CCNJ: variants seen among roughly 807,000 people sequenced by gnomAD.
The protein encoded by CCNJ is cyclin J.
A neutral mutation model predicts 41.4 loss-of-function variants in CCNJ; 12 were observed. The ratio of observed to expected loss-of-function variants is 0.29; its 90% confidence interval spans 0.19 to 0.47. The LOEUF (loss-of-function observed/expected upper bound fraction) is 0.47. Among genes scored for constraint, CCNJ ranks in the 20% least tolerant of loss-of-function variants. The probability of loss-of-function intolerance (pLI) is 1.00; values close to 1 mark genes in which losing one functional copy is unlikely to be tolerated. For synonymous variants in CCNJ, 161 were observed against 173.4 expected (o/e 0.93, Z 0.56); for missense variants, 340 against 464.6 (o/e 0.73, Z 2.47).
intron 3 of CCNJ, 143 bp from the exon 4 acceptor site, chr10:96,056,558 G>A (rs971185752): frequency 3.2e-6 from 2 of 632,848 alleles, no homozygotes; most frequent in Non-Finnish European, 5.5e-6. Context: ...ACAGGGTTCT[G>A]GCACAATTGT....
rs1410415887 is a variant in CCNJ, at chr10:96,058,157, T to A, written c.1068T>A (p.Val356=). 8.7e-6 allele frequency: 14 copies of A among 1,614,018 alleles called. No homozygotes were observed. Among genetic ancestry groups the A allele is most frequent in the African/African-American group, 1.3e-5 (1 of 74,922 alleles). Residue 356 remains valine, a synonymous_variant, in exon 6 of 6, where the codon GTT becomes GTA. Coordinates refer to ENST00000465148, the MANE Select transcript of CCNJ (RefSeq NM_001134375.2). ...TGTCACTGGCAATACCAGTAGAAGTTAAGCCCTGTCTGAGTGTTTCTTACA... is the reference window on the plus strand; with the variant it reads ...TGTCACTGGCAATACCAGTAGAAGTAAAGCCCTGTCTGAGTGTTTCTTACA... The part of the protein sequence containing the change: ...VGMSLAIPVE[V]KPCLSVSYNR...
At chr10:96,046,377 C>G (rs756211810) in intron 2 of CCNJ, among the ~76,000 whole-genome samples, 1 of 152,188 alleles carries the variant, frequency 6.6e-6, no homozygotes, top group Non-Finnish European at 1.5e-5. Context: ...ACTGGAGAGA[C>G]CACTGTTTGT....
intron 2 of CCNJ, among the ~76,000 whole-genome samples, chr10:96,049,754 A>G (rs1646190238): frequency 6.6e-6 from 1 of 152,170 alleles, no homozygotes; most frequent in South Asian, 2.1e-4. Context: ...GGCAGATCAT[A>G]AAACTGTTAA....
At position 96,058,564 on chromosome 10, in the gene CCNJ, C is replaced by T. The variant is rs2142074439; in HGVS notation, c.*323C>T. 1 of 452,698 alleles carries T rather than the reference C, an allele frequency of 2.2e-6. No homozygotes were observed. Among genetic ancestry groups the T allele is most frequent in the East Asian group, 3.2e-5 (1 of 31,430 alleles). The allele number at this position is 452,698 out of a possible 1,614,324, so 28.0% of individuals were successfully genotyped here. A position where few individuals can be genotyped will look rare whatever the true frequency, so the allele number is the denominator to read the frequency against. On this transcript the variant is annotated 3_prime_UTR_variant, in exon 6 of 6. Coordinates refer to ENST00000465148, the MANE Select transcript of CCNJ (RefSeq NM_001134375.2). Reference sequence around the variant, plus strand: ...TTCAATTTGCCATTTTGAGATTTGACCTGTGGTAGCATCTGGGCCTAATGT... The same window carrying T: ...TTCAATTTGCCATTTTGAGATTTGATCTGTGGTAGCATCTGGGCCTAATGT...
chr10:96,055,059 C>A lies in CCNJ; in HGVS notation c.281-1642C>A, dbSNP rs4145226. On this transcript the variant is annotated intron_variant, in intron 3 of 5. Coordinates refer to ENST00000465148, the MANE Select transcript of CCNJ (RefSeq NM_001134375.2). ...CCCTCTTCTTTTTTCAGGCAATAAG[C>A]TGGATAACTATGTCATACAGACCAC... Among the ~76,000 whole-genome samples the A allele has an allele frequency of 0.036, 5,502 of 152,216 alleles. 775 individuals are homozygous for A. The East Asian group carries it at 0.49, about 14-fold the overall frequency.
chr10:96,057,065 G>A, intron 4 of CCNJ, 23 bp from the exon 5 acceptor site: 2 of 1,613,906 alleles, frequency 1.2e-6, no homozygotes, highest in Non-Finnish European at 1.7e-6. Flanking sequence ...TGTTCCTTAA[G>A]TTCATTTTTG....
In CCNJ at chr10:96,058,666, G is replaced by A. The variant is rs2080756778; in HGVS notation, c.*425G>A. 1 of 398,878 alleles carries A rather than the reference G, an allele frequency of 2.5e-6. No homozygotes were observed. 24.7% of individuals were successfully genotyped at this position (398,878 alleles called of 1,614,324 possible). A position where few individuals can be genotyped will look rare whatever the true frequency, so the allele number is the denominator to read the frequency against. On this transcript the variant is annotated 3_prime_UTR_variant, in exon 6 of 6. Coordinates refer to ENST00000465148, the MANE Select transcript of CCNJ (RefSeq NM_001134375.2). ...CAGTCTTTTATGAAGGAAAGTTACA[G>A]TATTAATTTTTGAAAAGGTTTTTTT...
In CCNJ at chr10:96,059,450, T is replaced by C. The variant is rs1293838150; in HGVS notation, c.*1209T>C. 6.6e-6 allele frequency: 1 copy of C among 152,590 alleles called. No individual in the cohort carries two copies. Among genetic ancestry groups the C allele is most frequent in the East Asian group, 1.9e-4 (1 of 5,204 alleles). 9.5% of individuals were successfully genotyped at this position (152,590 alleles called of 1,614,324 possible). On this transcript the variant is annotated 3_prime_UTR_variant, in exon 6 of 6. Coordinates refer to ENST00000465148, the MANE Select transcript of CCNJ (RefSeq NM_001134375.2). ...ACAACTGCCCTGGGACATTTCACTG[T>C]ACCAGTATTAACTGCAAACAGCAAT...
Position 96,059,255 on chromosome 10 carries a change from A to T in CCNJ, c.*1014A>T, listed in dbSNP as rs1263451054. The T allele has an allele frequency of 6.6e-6, 1 of 152,660 alleles. No homozygotes were observed. The highest frequency in any genetic ancestry group is 2.4e-5 in the African/African-American group (1 of 41,466). 9.5% of individuals were successfully genotyped at this position (152,660 alleles called of 1,614,324 possible). On this transcript the variant is annotated 3_prime_UTR_variant, in exon 6 of 6. Transcript: ENST00000465148. ...TGCTAGAATAAAGTCCTGTAGGTTT[A>T]TTTTGGAAGGGACTGTGGCCAGGGT... is the stretch of plus-strand genomic sequence containing the variant.
At position 96,057,173 on chromosome 10, in the gene CCNJ, G is replaced by A. The variant is rs764941418; in HGVS notation, c.666G>A (p.Thr222=). Residue 222 remains threonine, a synonymous_variant, in exon 5 of 6, where the codon ACG becomes ACA. Coordinates refer to ENST00000465148, the MANE Select transcript of CCNJ (RefSeq NM_001134375.2). ...SSRIILRLSP[T]WPTRLHRLTA... ...GGATTATACTTCGTCTTTCTCCAACGTGGCCTACAAGACTACATCGTCTTA... is the reference window on the plus strand; with the variant it reads ...GGATTATACTTCGTCTTTCTCCAACATGGCCTACAAGACTACATCGTCTTA... The A allele has an allele frequency of 1.1e-5, 17 of 1,613,696 alleles. No individual in the cohort carries two copies. Among genetic ancestry groups the A allele is most frequent in the South Asian group, 7.7e-5 (7 of 91,076 alleles).
Position 96,044,335 on chromosome 10 carries a change from C to T in CCNJ, c.-41-18C>T, listed in dbSNP as rs2080300539. On this transcript the variant is annotated intron_variant, in intron 1 of 5. Coordinates refer to ENST00000465148, the MANE Select transcript of CCNJ (RefSeq NM_001134375.2). ...GCGGGGGAGCCGGCAGTGACCGCGC[C>T]TGGGGTGTGTCTTACAGACTCGAGT... 7.2e-6 allele frequency: 10 copies of T among 1,382,914 alleles called. No homozygotes were observed. Among genetic ancestry groups the T allele is most frequent in the Non-Finnish European group, 9.6e-6 (10 of 1,038,964 alleles). The allele number at this position is 1,382,914 out of a possible 1,614,324, so 85.7% of individuals were successfully genotyped here.
rs1400706107 is a variant in CCNJ at position 96,059,252 on chromosome 10, T to C, written c.*1011T>C. ...CAGTGCTAGAATAAAGTCCTGTAGG[T>C]TTATTTTGGAAGGGACTGTGGCCAG... On this transcript the variant is annotated 3_prime_UTR_variant, in exon 6 of 6. Coordinates refer to ENST00000465148, the MANE Select transcript of CCNJ (RefSeq NM_001134375.2). The C allele has an allele frequency of 6.6e-6, 1 of 152,532 alleles. No individual in the cohort carries two copies. The highest frequency in any genetic ancestry group is 1.5e-5 in the Non-Finnish European group (1 of 68,024). The allele number at this position is 152,532 out of a possible 1,614,324, so 9.4% of individuals were successfully genotyped here. A position where few individuals can be genotyped will look rare whatever the true frequency, so the allele number is the denominator to read the frequency against.
At chr10:96,044,483 G>T in intron 2 of CCNJ, 21 bp downstream of exon 2, 1 of 1,496,786 alleles carries the variant, frequency 6.7e-7, no homozygotes, top group East Asian at 2.5e-5. Context: ...GGCCCGGCCT[G>T]CCTTCTCCTT....
At chr10:96,048,560 A>G (rs1289027860) in intron 2 of CCNJ, among the ~76,000 whole-genome samples, 1 of 152,108 alleles carries the variant, frequency 6.6e-6, no homozygotes. Context: ...CATCTTCCCA[A>G]ACTGAAACTC....
At chr10:96,053,153 T>C (rs1421616159) in intron 3 of CCNJ, among the ~76,000 whole-genome samples, 2 of 125,286 alleles carry the variant, frequency 1.6e-5, no homozygotes, top group East Asian at 2.5e-4. Context: ...CAAATGCTTA[T>C]GTCTACACTA....
intron 2 of CCNJ, among the ~76,000 whole-genome samples, chr10:96,045,383 TTC>T (rs2080335168): frequency 6.6e-6 from 1 of 152,244 alleles, no homozygotes; most frequent in African/African-American, 2.4e-5. Flanking sequence ...ATAAAAAGGA[TTC>T]TGACTCTTGG....
upstream of CCNJ, chr10:96,043,448 T>A (rs1214964008): frequency 1.0e-5 from 4 of 381,250 alleles, no homozygotes; most frequent in South Asian, 1.4e-4. Flanking sequence ...CGCCTGGCGC[T>A]GCACCTGGGC....
intron 3 of CCNJ, among the ~76,000 whole-genome samples, chr10:96,053,391 G>A (rs1040176606): frequency 6.6e-6 from 1 of 152,150 alleles, no homozygotes; most frequent in East Asian, 1.9e-4. Flanking sequence ...TGTAGGAAAT[G>A]GAAACATTAA....
At chr10:96,054,543 C>T (rs1214689266) in intron 3 of CCNJ, among the ~76,000 whole-genome samples, 3 of 152,190 alleles carry the variant, frequency 2.0e-5, no homozygotes, top group Non-Finnish European at 4.4e-5. Flanking sequence ...AAGTCTTTCA[C>T]ACTTGTAGCC....
Sources: gnomAD v4.1 joint callset for allele counts (sites outside exome capture counted in the v4.1 genomes callset) on GRCh38, gnomAD v4.1.1 for gene constraint, MANE v1.5 for transcripts, NCBI Gene and HGNC (gene_info 2026-07-23, HGNC 2026-07-21) for gene names.